Variants in CTNNA2 observed in about 807,000 individuals in gnomAD.
The protein encoded by CTNNA2 is catenin alpha-2.
A neutral mutation model predicts 101.0 loss-of-function variants in CTNNA2; 42 were observed. The ratio of observed to expected loss-of-function variants is 0.42; its 90% CI spans 0.32 to 0.54. The LOEUF (loss-of-function observed/expected upper bound fraction) is 0.54. Ranked by LOEUF, CTNNA2 falls within the 20% of genes least tolerant of loss-of-function variation. The pLI, the probability that CTNNA2 is intolerant of heterozygous loss-of-function variation, is 0.14. For synonymous variants in CTNNA2, 450 were observed against 456.4 expected, an observed-to-expected ratio of 0.99 and a Z score of 0.18; for missense variants, 871 against 1,223.1, an observed-to-expected ratio of 0.71 and a Z score of 4.29.
intron 7 of CTNNA2, among the ~76,000 whole-genome samples, chr2:80,015,953 T>G (rs1470031623): frequency 6.6e-6 from 1 of 152,196 alleles, no homozygotes; most frequent in Non-Finnish European, 1.5e-5. Context: ...CGTATTTGCT[T>G]CAAAGGACAG....
chr2:79,697,685 G>A (rs1335941372), intron 2 of CTNNA2, among the ~76,000 whole-genome samples: 1 of 151,958 alleles, frequency 6.6e-6, no homozygotes, highest in East Asian at 1.9e-4. Context: ...CTTTGTCAAT[G>A]TAGAATCATT....
At chr2:79,770,938 T>A (rs1673526017) in intron 3 of CTNNA2, among the ~76,000 whole-genome samples, 1 of 152,142 alleles carries the variant, frequency 6.6e-6, no homozygotes, top group Admixed American at 6.6e-5. Flanking sequence ...TTGCAGAAAG[T>A]TTAAAAGAAT....
intron 2 of CTNNA2, among the ~76,000 whole-genome samples, chr2:79,203,193 T>C (rs1376504483): frequency 6.6e-6 from 1 of 152,194 alleles, no homozygotes; most frequent in Non-Finnish European, 1.5e-5. Context: ...TCTTTGAAAG[T>C]TGGCAGTCCC....
At chr2:80,637,581 A>C (rs1196873680) in intron 18 of CTNNA2, among the ~76,000 whole-genome samples, 1 of 152,130 alleles carries the variant, frequency 6.6e-6, no homozygotes, top group Non-Finnish European at 1.5e-5. Flanking sequence ...CTGGGAACGG[A>C]ATCTCTCTGC....
At chr2:79,232,285 A>G (rs1674502615) in intron 2 of CTNNA2, among the ~76,000 whole-genome samples, 2 of 152,160 alleles carry the variant, frequency 1.3e-5, no homozygotes, top group Admixed American at 1.3e-4. Flanking sequence ...GATTTTATCT[A>G]AGACTTTTTT....
intron 4 of CTNNA2, among the ~76,000 whole-genome samples, chr2:79,472,325 G>A (rs996154441): frequency 6.6e-6 from 1 of 152,316 alleles, no homozygotes; most frequent in South Asian, 2.1e-4. Flanking sequence ...CTGCCAGGCA[G>A]GAGTCTCAAA....
intron 7 of CTNNA2, among the ~76,000 whole-genome samples, chr2:80,355,848 C>T (rs1324911171): frequency 6.6e-6 from 1 of 151,852 alleles, no homozygotes; most frequent in Non-Finnish European, 1.5e-5. Context: ...TTTTTACTGC[C>T]CAGAGGTTAA....
At chr2:80,462,788 G>A (rs1030534653) in intron 9 of CTNNA2, among the ~76,000 whole-genome samples, 2 of 151,858 alleles carry the variant, frequency 1.3e-5, no homozygotes, top group Admixed American at 6.6e-5. Flanking sequence ...CACTCTTTGG[G>A]TGTTATCCTC....
At chr2:80,601,752 T>C (rs1007325925) in intron 15 of CTNNA2, 1 of 152,094 alleles carries the variant, frequency 6.6e-6, no homozygotes, top group Non-Finnish European at 1.5e-5. Flanking sequence ...TCTAGTGTTT[T>C]GTTTTCTGAC....
intron 2 of CTNNA2, among the ~76,000 whole-genome samples, chr2:79,294,697 T>C (rs1675932667): frequency 6.6e-6 from 1 of 152,188 alleles, no homozygotes; most frequent in Non-Finnish European, 1.5e-5. Flanking sequence ...TATTTCATTT[T>C]ATCTTTTCTT....
intron 7 of CTNNA2, among the ~76,000 whole-genome samples, chr2:80,126,124 TG>T (rs1702095238): frequency 1.3e-5 from 2 of 152,164 alleles, no homozygotes; most frequent in Admixed American, 1.3e-4. Context: ...CCTGCTTCTT[TG>T]CCTACATTTT....
At chr2:80,394,024 C>T (rs1677764642) in intron 8 of CTNNA2, among the ~76,000 whole-genome samples, 1 of 152,208 alleles carries the variant, frequency 6.6e-6, no homozygotes, top group African/African-American at 2.4e-5. Context: ...AAAACCCCCT[C>T]TTCTTGATTT....
intron 7 of CTNNA2, among the ~76,000 whole-genome samples, chr2:80,238,506 G>T (rs964537940): frequency 6.6e-6 from 1 of 152,266 alleles, no homozygotes; most frequent in East Asian, 1.9e-4. Flanking sequence ...GGAGAAGTAC[G>T]GAGGATGTTA....
intron 7 of CTNNA2, among the ~76,000 whole-genome samples, chr2:80,005,407 C>G (rs1574518852): frequency 6.6e-6 from 1 of 152,120 alleles, no homozygotes; most frequent in Non-Finnish European, 1.5e-5. Flanking sequence ...ACCATGAGTT[C>G]CTATCACAAA....
chr2:80,303,915 G>A lies in CTNNA2; in HGVS notation c.1057-89296G>A, dbSNP rs1676638226. 7.1e-7 allele frequency: 1 copy of A among 1,407,782 alleles called. No homozygotes were observed. Among genetic ancestry groups the A allele is most frequent in the Non-Finnish European group, 9.3e-7 (1 of 1,071,616 alleles). 87.2% of individuals were successfully genotyped at this position (1,407,782 alleles called of 1,614,324 possible). A position where few individuals can be genotyped will look rare whatever the true frequency, so the allele number is the denominator to read the frequency against. ...TTTATTCCGAGGGAGGGGAAGCGGG[G>A]GAGGGGGAGAAAAGGGCAAAAAATC... is the stretch of plus-strand genomic sequence containing the variant. On this transcript the variant is annotated intron_variant, in intron 7 of 18. Transcript: ENST00000402739. This position sits in a 1 kb window ranked among gnomAD's most constrained non-coding sequence, Gnocchi z 7.7.
chr2:80,499,384 G>A (rs1448481721), intron 9 of CTNNA2, among the ~76,000 whole-genome samples: 2 of 152,154 alleles, frequency 1.3e-5, no homozygotes, highest in African/African-American at 4.8e-5. Flanking sequence ...TTTTAAAAAT[G>A]TTCATATTTT....
At chr2:80,287,013 T>C (rs1674829529) in intron 7 of CTNNA2, among the ~76,000 whole-genome samples, 1 of 152,166 alleles carries the variant, frequency 6.6e-6, no homozygotes, top group Non-Finnish European at 1.5e-5. Flanking sequence ...GGTACATAAG[T>C]AAATTAATGA....
chr2:80,379,339 G>T (rs1676287877), intron 7 of CTNNA2, among the ~76,000 whole-genome samples: 1 of 152,172 alleles, frequency 6.6e-6, no homozygotes, highest in Non-Finnish European at 1.5e-5. Flanking sequence ...AACAGTCAAA[G>T]AATTTGGGAA....
intron 7 of CTNNA2, among the ~76,000 whole-genome samples, chr2:80,131,044 C>G (rs940720539): frequency 3.4e-4 from 52 of 151,310 alleles, no homozygotes; most frequent in African/African-American, 1.2e-3. Flanking sequence ...ATGTCAATTT[C>G]CTGTTTTTTT....
Sources: gnomAD v4.1 joint callset for allele counts (sites outside exome capture counted in the v4.1 genomes callset) on GRCh38, gnomAD v4.1.1 for gene constraint, Gnocchi (gnomAD v3.1) non-coding constraint, MANE v1.5 for transcripts, NCBI Gene and HGNC (gene_info 2026-07-23, HGNC 2026-07-21) for gene names.